NEK7: variants seen among roughly 807,000 people sequenced by gnomAD.
The protein encoded by NEK7 is NIMA related kinase 7.
A neutral mutation model predicts 44.6 loss-of-function variants in NEK7; 18 were observed. The ratio of observed to expected loss-of-function variants is 0.40; its 90% CI spans 0.28 to 0.60. The LOEUF (loss-of-function observed/expected upper bound fraction) is 0.60. Ranked by LOEUF, NEK7 falls within the 20% of genes least tolerant of loss-of-function variation. The probability of loss-of-function intolerance (pLI) is 0.38; values close to 1 mark genes in which losing one functional copy is unlikely to be tolerated. For synonymous variants in NEK7, 130 were observed against 121.1 expected (o/e 1.07, Z -0.48); for missense variants, 256 against 366.5 (o/e 0.70, Z 2.46).
intron 2 of NEK7, among the ~76,000 whole-genome samples, chr1:198,250,555 T>A (rs1438463208): frequency 1.7e-4 from 24 of 138,790 alleles, no homozygotes; most frequent in African/African-American, 6.5e-4. Context: ...TTTTATTTCC[T>A]TGAGCAGTGG....
intron 5 of NEK7, among the ~76,000 whole-genome samples, chr1:198,266,553 A>G (rs1008040960): frequency 6.6e-6 from 1 of 152,072 alleles, no homozygotes; most frequent in African/African-American, 2.4e-5. Context: ...AGGGATGATT[A>G]TAACAGGATC....
At chr1:198,259,811 TCACACACA>T (rs145517799) in intron 3 of NEK7, among the ~76,000 whole-genome samples, 1 of 150,818 alleles carries the variant, frequency 6.6e-6, no homozygotes, top group African/African-American at 2.4e-5. Context: ...ACACACACAC[TCACACACA>T]CACACACATA....
At chr1:198,279,821 T>G (rs1187993233) in intron 7 of NEK7, among the ~76,000 whole-genome samples, 1 of 151,950 alleles carries the variant, frequency 6.6e-6, no homozygotes, top group Non-Finnish European at 1.5e-5. Context: ...GACTAGAGAT[T>G]TTAAGTTTTT....
At chr1:198,234,251 T>C (rs1211767982) in intron 2 of NEK7, among the ~76,000 whole-genome samples, 4 of 152,122 alleles carry the variant, frequency 2.6e-5, no homozygotes, top group Non-Finnish European at 4.4e-5. Flanking sequence ...ATTGTCTATA[T>C]TGAGTAAAAA....
intron 2 of NEK7, among the ~76,000 whole-genome samples, chr1:198,252,425 A>G (rs1420177279): frequency 1.3e-5 from 2 of 150,556 alleles, no homozygotes; most frequent in Non-Finnish European, 3.0e-5. Context: ...ATTCCTGGGT[A>G]TCCTTTGCAA....
chr1:198,256,451 T>A (rs778929672), intron 3 of NEK7: 3 of 1,607,220 alleles, frequency 1.9e-6, no homozygotes, highest in Non-Finnish European at 2.5e-6. Context: ...TTTTGAAAAT[T>A]TACCTGTATC....
Position 198,320,639 on chromosome 1 carries a change from C to T in NEK7, c.*1117C>T, listed in dbSNP as rs1655506583. 1 of 151,772 alleles carries T rather than the reference C, an allele frequency of 6.6e-6. No individual in the cohort carries two copies. The highest frequency in any genetic ancestry group is 1.9e-4 in the East Asian group (1 of 5,184). The allele number at this position is 151,772 out of a possible 1,614,324, so 9.4% of individuals were successfully genotyped here. A position where few individuals can be genotyped will look rare whatever the true frequency, so the allele number is the denominator to read the frequency against. On this transcript the variant is annotated 3_prime_UTR_variant, in exon 10 of 10. Coordinates refer to ENST00000367385, the MANE Select transcript of NEK7 (RefSeq NM_133494.3). Reference sequence around the variant, plus strand: ...TTTTTAAACTTTTTAAAATTTGGGCCACTCTGTATGCATATGTTTGGTCTT... The same window carrying T: ...TTTTTAAACTTTTTAAAATTTGGGCTACTCTGTATGCATATGTTTGGTCTT...
At chr1:198,184,011 GTGGTATC>G (rs1325057814) in intron 1 of NEK7, among the ~76,000 whole-genome samples, 1 of 152,180 alleles carries the variant, frequency 6.6e-6, no homozygotes, top group East Asian at 1.9e-4. Context: ...ATGTATGTTG[GTGGTATC>G]TGGTCCATTT....
chr1:198,256,667 A>G, intron 3 of NEK7: 1 of 686,566 alleles, frequency 1.5e-6, no homozygotes, highest in Non-Finnish European at 2.2e-6. Context: ...GAAGATTAAG[A>G]TAAACATAAT....
chr1:198,174,992 A>G (rs983880339), intron 1 of NEK7, among the ~76,000 whole-genome samples: 2 of 152,086 alleles, frequency 1.3e-5, no homozygotes. Flanking sequence ...TCTGAGACTC[A>G]AGTGAGCCTC....
chr1:198,163,517 A>C (rs928858462), intron 1 of NEK7, among the ~76,000 whole-genome samples: 1 of 152,098 alleles, frequency 6.6e-6, no homozygotes, highest in Non-Finnish European at 1.5e-5. Context: ...TGTCTCTAAA[A>C]AAAATAAAAA....
intron 7 of NEK7, among the ~76,000 whole-genome samples, chr1:198,281,968 A>G (rs1654212958): frequency 2.0e-5 from 3 of 152,122 alleles, no homozygotes; most frequent in Non-Finnish European, 4.4e-5. Context: ...TTCCTTTAAT[A>G]TAAGGATTGA....
intron 1 of NEK7, among the ~76,000 whole-genome samples, chr1:198,210,088 C>A (rs563052008): frequency 3.3e-5 from 5 of 152,188 alleles, no homozygotes; most frequent in Non-Finnish European, 7.4e-5. Flanking sequence ...GTGAACACTG[C>A]GTCTGGCCTA....
At chr1:198,249,836 T>C (rs1004824997) in intron 2 of NEK7, among the ~76,000 whole-genome samples, 1 of 103,764 alleles carries the variant, frequency 9.6e-6, no homozygotes, top group African/African-American at 5.9e-5. Context: ...ATTTTGTAGG[T>C]TGCCTGTTCA....
rs61745264 is a variant in NEK7 at position 198,197,934 on chromosome 1, G to T, written c.-28-34619G>T. The T allele has an allele frequency of 2.1e-3, 3,027 of 1,463,062 alleles. 60 individuals are homozygous for T. The African/African-American group carries it at 0.035, about 17-fold the overall frequency. 90.6% of individuals were successfully genotyped at this position (1,463,062 alleles called of 1,614,324 possible). A position where few individuals can be genotyped will look rare whatever the true frequency, so the allele number is the denominator to read the frequency against. ...CCAGGAGCCAAGGGATTCACAGGAG[G>T]CATCCAGGGGCAGGTGGTGGGTATG... is the stretch of plus-strand genomic sequence containing the variant. On this transcript the variant is annotated intron_variant, in intron 1 of 9. Transcript: ENST00000367385.
Position 198,221,501 on chromosome 1 carries a change from A to G in NEK7, c.-28-11052A>G, listed in dbSNP as rs144768024. On this transcript the variant is annotated intron_variant, in intron 1 of 9. Transcript: ENST00000367385. ...TTATGATCACAGGTAAAATGCACCAATGATTTTTCTTAAAAACATATTTTT... is the reference window on the plus strand; with the variant it reads ...TTATGATCACAGGTAAAATGCACCAGTGATTTTTCTTAAAAACATATTTTT... Among the ~76,000 whole-genome samples, 8 of 151,868 alleles carry G rather than the reference A, an allele frequency of 5.3e-5. No homozygotes were observed. The East Asian group carries it at 1.4e-3, about 26-fold the overall frequency.
chr1:198,304,141 A>G (rs1306401757), intron 9 of NEK7, among the ~76,000 whole-genome samples: 6 of 152,144 alleles, frequency 3.9e-5, no homozygotes, highest in African/African-American at 7.2e-5. Context: ...CTCCTTGATG[A>G]CATGAATCCA....
chr1:198,164,626 A>C (rs1056821063), intron 1 of NEK7, among the ~76,000 whole-genome samples: 3 of 152,220 alleles, frequency 2.0e-5, no homozygotes, highest in Non-Finnish European at 4.4e-5. Context: ...ATAATTAAAA[A>C]ATATTTTATT....
chr1:198,305,416 CAG>C lies in NEK7; in HGVS notation c.798+8178_798+8179del, dbSNP rs1654996363. Among the ~76,000 whole-genome samples, 3 of 151,980 alleles carry C rather than the reference CAG, an allele frequency of 2.0e-5. No homozygotes were observed. In the South Asian group the frequency reaches 6.2e-4, roughly 32 times the overall value. On this transcript the variant is annotated intron_variant, in intron 9 of 9. Coordinates refer to ENST00000367385, the MANE Select transcript of NEK7 (RefSeq NM_133494.3). ...TAACTTTATTCCTTCCGGAGGTTAA[CAG>C]AAACTTTTAAAAAATGTGAAATAAA...
Sources: gnomAD v4.1 joint callset for allele counts (sites outside exome capture counted in the v4.1 genomes callset) on GRCh38, gnomAD v4.1.1 for gene constraint, MANE v1.5 for transcripts, NCBI Gene and HGNC (gene_info 2026-07-23, HGNC 2026-07-21) for gene names.